Variants in METTL15 observed in about 807,000 individuals in gnomAD.
METTL15 encodes the protein methyltransferase 15, mitochondrial 12S rRNA N4-cytidine.
Under a neutral mutation model 38.3 loss-of-function variants are expected in METTL15, and 34 were observed. The ratio of observed to expected loss-of-function variants is 0.89; its 90% CI spans 0.68 to 1.18. The LOEUF (loss-of-function observed/expected upper bound fraction) is 1.18. Ranked by LOEUF, METTL15 falls within the 50% of genes most tolerant of loss-of-function variation. The pLI is 0.00. For synonymous variants in METTL15, 162 were observed against 170.9 expected (o/e 0.95, Z 0.41); for missense variants, 438 against 498.4 (o/e 0.88, Z 1.15).
intron 3 of METTL15, among the ~76,000 whole-genome samples, chr11:28,196,986 T>C (rs565357594): frequency 6.6e-6 from 1 of 152,080 alleles, no homozygotes; most frequent in Non-Finnish European, 1.5e-5. Flanking sequence ...TTTAAAGTAT[T>C]AGTATCCGAG....
rs566338814 is a variant in METTL15 at position 28,283,815 on chromosome 11, A to G, written c.408-6391A>G. Among the ~76,000 whole-genome samples the G allele has an allele frequency of 3.3e-5, 5 of 152,192 alleles. No homozygotes were observed. In the East Asian group the frequency reaches 9.6e-4, roughly 29 times the overall value. ...TGTTCTGGATCACAAGCAACATTCT[A>G]CTTACATCCTGGAGAACACAGGATG... is the stretch of plus-strand genomic sequence containing the variant. On this transcript the variant is annotated intron_variant, in intron 4 of 6. Transcript: ENST00000407364.
At chr11:28,200,534 G>A (rs113761039) in intron 3 of METTL15, among the ~76,000 whole-genome samples, 2 of 152,064 alleles carry the variant, frequency 1.3e-5, no homozygotes, top group African/African-American at 2.4e-5. Context: ...GGTGCTTTAC[G>A]CTAGTGGAAG....
intron 4 of METTL15, among the ~76,000 whole-genome samples, chr11:28,236,131 C>G (rs549533858): frequency 3.5e-3 from 535 of 152,198 alleles, no homozygotes; most frequent in Non-Finnish European, 6.0e-3. Context: ...GTATATTGAA[C>G]CAGCCTTGCA....
intron 4 of METTL15, among the ~76,000 whole-genome samples, chr11:28,255,272 A>G (rs6484364): frequency 0.15 from 22,238 of 152,160 alleles, 1,829 homozygotes; most frequent in East Asian, 0.28. Flanking sequence ...ATAGTTTTCT[A>G]TTGACATATA....
chr11:28,157,443 C>T (rs1344085527), intron 3 of METTL15, among the ~76,000 whole-genome samples: 1 of 152,122 alleles, frequency 6.6e-6, no homozygotes, highest in Non-Finnish European at 1.5e-5. Context: ...CTTTGGCAGG[C>T]CCCCCATAGG....
chr11:28,394,386 T>C (rs76965773), intron 5 of METTL15, among the ~76,000 whole-genome samples: 4 of 152,080 alleles, frequency 2.6e-5, no homozygotes, highest in African/African-American at 9.7e-5. Flanking sequence ...ATCATTCAAT[T>C]TGCACAGCTC....
chr11:28,386,597 G>A (rs1850443605), intron 5 of METTL15, among the ~76,000 whole-genome samples: 1 of 151,894 alleles, frequency 6.6e-6, no homozygotes, highest in Admixed American at 6.6e-5. Context: ...AGAATTGAAA[G>A]GAGAAATAAA....
chr11:28,477,585 C>A (rs192891308), intron 6 of METTL15: 1 of 152,108 alleles, frequency 6.6e-6, no homozygotes, highest in African/African-American at 2.4e-5. Flanking sequence ...CATAAAATAG[C>A]CTTCTTCATT....
chr11:28,529,831 C>T (rs1851834166), downstream of METTL15, among the ~76,000 whole-genome samples: 1 of 152,006 alleles, frequency 6.6e-6, no homozygotes, highest in Non-Finnish European at 1.5e-5. Flanking sequence ...ATTGACTGAA[C>T]ATGGGTAAGT....
downstream of METTL15, chr11:28,333,597 TAAATA>T (rs1849871400): frequency 6.6e-6 from 1 of 152,108 alleles, no homozygotes; most frequent in African/African-American, 2.4e-5. Context: ...GTTCATTACT[TAAATA>T]AAATTTAATA....
intron 6 of METTL15, among the ~76,000 whole-genome samples, chr11:28,479,736 CAAT>C (rs1851379828): frequency 1.3e-5 from 2 of 152,096 alleles, no homozygotes; most frequent in African/African-American, 2.4e-5. Context: ...AGCGATGTGG[CAAT>C]AATAATCATC....
Position 28,456,068 on chromosome 11 carries a change from C to T in METTL15, c.*424+31704C>T, listed in dbSNP as rs867888158. ...TCATGCCGGCTGGCATGCAGTGGCACGATCATAGTTCACTATAACCTCAAA... is the reference window on the plus strand; with the variant it reads ...TCATGCCGGCTGGCATGCAGTGGCATGATCATAGTTCACTATAACCTCAAA... On this transcript the variant is annotated intron_variant and NMD_transcript_variant, in intron 6 of 7. Transcript: ENST00000532947. 1.6e-4 allele frequency among the ~76,000 whole-genome samples: 25 copies of T among 152,076 alleles called. 1 individual carries two copies. The highest frequency in any genetic ancestry group is 5.1e-4 in the African/African-American group (21 of 41,384).
At chr11:28,234,073 C>G (rs529000581) in intron 4 of METTL15, among the ~76,000 whole-genome samples, 1 of 151,000 alleles carries the variant, frequency 6.6e-6, no homozygotes, top group African/African-American at 2.4e-5. Context: ...TTTGTCCTTG[C>G]GATAGTTTAC....
chr11:28,317,110 AAACTTAT>A (rs1382829951), intron 6 of METTL15, among the ~76,000 whole-genome samples: 1 of 152,006 alleles, frequency 6.6e-6, no homozygotes, highest in Non-Finnish European at 1.5e-5. Context: ...CTTTTTGTTC[AAACTTAT>A]AACTTTATTT....
intron 4 of METTL15, among the ~76,000 whole-genome samples, chr11:28,285,707 G>A (rs1233854758): frequency 6.6e-6 from 1 of 152,124 alleles, no homozygotes. Flanking sequence ...AAAATTGGCT[G>A]GCACTGTCTC....
At chr11:28,162,685 C>T (rs1850508671) in intron 3 of METTL15, among the ~76,000 whole-genome samples, 1 of 152,018 alleles carries the variant, frequency 6.6e-6, no homozygotes, top group Non-Finnish European at 1.5e-5. Context: ...CTGGACTCTT[C>T]TATTAGCCTA....
intron 3 of METTL15, among the ~76,000 whole-genome samples, chr11:28,139,309 C>T (rs1000604201): frequency 2.0e-5 from 3 of 152,052 alleles, no homozygotes; most frequent in Admixed American, 1.3e-4. Flanking sequence ...GAAATACAGA[C>T]TGAAGATGAT....
intron 4 of METTL15, among the ~76,000 whole-genome samples, 179 bp from the exon 5 acceptor site, chr11:28,290,026 GT>G (rs1856447263): frequency 6.6e-6 from 1 of 152,148 alleles, no homozygotes; most frequent in South Asian, 2.1e-4. Flanking sequence ...CAGCTCTGGT[GT>G]TTGAAACCCA....
chr11:28,126,380 G>A (rs999649631), intron 3 of METTL15, among the ~76,000 whole-genome samples: 4 of 151,734 alleles, frequency 2.6e-5, no homozygotes, highest in African/African-American at 7.3e-5. Context: ...CTTCTCTACC[G>A]CCTTCCTCCA....
Sources: allele counts gnomAD v4.1 joint callset (sites outside exome capture counted in the v4.1 genomes callset), GRCh38; gene constraint gnomAD v4.1.1; transcripts MANE v1.5; gene names NCBI Gene and HGNC (gene_info 2026-07-23, HGNC 2026-07-21).